Variants in SLC2A9 observed in about 807,000 individuals in gnomAD.
The protein encoded by SLC2A9 is solute carrier family 2, facilitated glucose transporter member 9.
Under a neutral mutation model 50.6 loss-of-function variants are expected in SLC2A9, and 39 were observed. The observed-to-expected ratio is 0.77, with a 90% confidence interval of 0.60 to 1.01. The LOEUF is 1.01. SLC2A9 is among the 50% of genes least tolerant of loss of function. The probability of loss-of-function intolerance (pLI) is 0.00; values close to 1 mark genes in which losing one functional copy is unlikely to be tolerated. For missense variants in SLC2A9, 686 were observed against 677.6 expected, an observed-to-expected ratio of 1.01 and a Z score of -0.14; for synonymous variants, 324 against 276.9, an observed-to-expected ratio of 1.17 and a Z score of -1.69.
chr4:9,941,895 A>C lies in SLC2A9; in HGVS notation c.814+18T>G. 1 of 1,613,846 alleles carries C rather than the reference A, an allele frequency of 6.2e-7. No homozygotes were observed. The highest frequency in any genetic ancestry group is 8.5e-7 in the Non-Finnish European group (1 of 1,179,868). On this transcript the variant is annotated intron_variant, in intron 6 of 11. Transcript: ENST00000264784. ...TATGCAGGGGCTGGAGCTGTGCAGG[A>C]AAGGGAAGGGCCCTCACCTTTCACA...
rs145713786 is a variant in SLC2A9, at chr4:9,810,551, C to A, written n.421-11310G>T. ...AAATGAATCACACCTACTAGTCTCA[C>A]GAGAGACTGATATATGAGCCAGGCA... On this transcript the variant is annotated intron_variant and non_coding_transcript_variant, in intron 3 of 3. Transcript: ENST00000503280. Among the ~76,000 whole-genome samples, 8 of 152,248 alleles carry A rather than the reference C, an allele frequency of 5.3e-5. No homozygotes were observed. The East Asian group carries it at 9.7e-4, about 18-fold the overall frequency.
intron 10 of SLC2A9, chr4:9,879,761 T>C: frequency 1.0e-6 from 1 of 985,436 alleles, no homozygotes; most frequent in Non-Finnish European, 1.2e-6. Flanking sequence ...CTTCATGTGA[T>C]TTTTAAAACT....
intron 7 of SLC2A9, among the ~76,000 whole-genome samples, chr4:9,919,799 T>A (rs1315434284): frequency 6.6e-6 from 1 of 152,206 alleles, no homozygotes; most frequent in African/African-American, 2.4e-5. Context: ...ACAGTAAAGA[T>A]CCAGACTCTG....
At chr4:9,773,671 G>A (rs1368261603) in intron 1 of SLC2A9, among the ~76,000 whole-genome samples, 1 of 152,224 alleles carries the variant, frequency 6.6e-6, no homozygotes, top group Non-Finnish European at 1.5e-5. Context: ...ATGAAATGAG[G>A]CAGGAGTTTA....
At chr4:9,970,845 C>T (rs1753792036) in intron 5 of SLC2A9, among the ~76,000 whole-genome samples, 1 of 152,196 alleles carries the variant, frequency 6.6e-6, no homozygotes, top group Middle Eastern at 3.2e-3. Flanking sequence ...CTGGGCCTGC[C>T]TGGCCTAAAC....
rs534399628 is a variant in SLC2A9, at chr4:10,037,285, C to G, written c.-41+2845G>C. On this transcript the variant is annotated intron_variant, in intron 1 of 12. Coordinates refer to the SLC2A9 transcript ENST00000309065. ...AACTGTGTTCTGCCTCTCTAGATTA[C>G]GGACTTGCCTTTTCGGAACATTTCA... 3.3e-5 allele frequency among the ~76,000 whole-genome samples: 5 copies of G among 152,294 alleles called. No homozygotes were observed. In the South Asian group the frequency reaches 1.0e-3, roughly 32 times the overall value.
intron 10 of SLC2A9, among the ~76,000 whole-genome samples, chr4:9,876,936 TAAAC>T: frequency 6.6e-6 from 1 of 152,384 alleles, no homozygotes; most frequent in South Asian, 2.1e-4. Flanking sequence ...TAATTTTCAT[TAAAC>T]AGTTTTTCAA....
At chr4:9,848,088 T>A (rs1729261800) in intron 10 of SLC2A9, among the ~76,000 whole-genome samples, 1 of 152,154 alleles carries the variant, frequency 6.6e-6, no homozygotes, top group Non-Finnish European at 1.5e-5. Flanking sequence ...ACTTCCAAAC[T>A]AGCCTGATTG....
chr4:9,828,450 G>T (rs1398433173), intron 11 of SLC2A9, among the ~76,000 whole-genome samples: 1 of 152,164 alleles, frequency 6.6e-6, no homozygotes, highest in Non-Finnish European at 1.5e-5. Flanking sequence ...AACCCACCAT[G>T]ACTTCCTAAG....
At chr4:9,789,247 T>C (rs1474280362) in intron 3 of SLC2A9, among the ~76,000 whole-genome samples, 2 of 152,184 alleles carry the variant, frequency 1.3e-5, no homozygotes, top group Non-Finnish European at 2.9e-5. Flanking sequence ...TTAAAAAATA[T>C]TAAAAAGGGA....
At chr4:10,013,900 A>G (rs1762184558) in intron 2 of SLC2A9, among the ~76,000 whole-genome samples, 1 of 152,112 alleles carries the variant, frequency 6.6e-6, no homozygotes, top group Non-Finnish European at 1.5e-5. Flanking sequence ...TAAAGGCAGC[A>G]CACCTTCCCA....
intron 10 of SLC2A9, among the ~76,000 whole-genome samples, chr4:9,870,538 C>T (rs1221060572): frequency 6.6e-6 from 1 of 152,216 alleles, no homozygotes; most frequent in Non-Finnish European, 1.5e-5. Flanking sequence ...TTTGCTTGGA[C>T]TGCTTCTGAG....
chr4:9,991,319 G>C (rs1757677535), intron 3 of SLC2A9, among the ~76,000 whole-genome samples: 2 of 152,224 alleles, frequency 1.3e-5, no homozygotes, highest in Admixed American at 6.5e-5. Flanking sequence ...ATTCCAGCCT[G>C]AAAGAAGAGG....
At chr4:10,006,472 C>G (rs953628112) in intron 2 of SLC2A9, 2 of 152,218 alleles carry the variant, frequency 1.3e-5, no homozygotes, top group Non-Finnish European at 2.9e-5. Context: ...GTCTGCACCA[C>G]TGAACACACT....
intron 8 of SLC2A9, among the ~76,000 whole-genome samples, chr4:9,897,088 T>A (rs953972282): frequency 6.6e-6 from 1 of 152,220 alleles, no homozygotes; most frequent in African/African-American, 2.4e-5. Flanking sequence ...CAGAGAGGTT[T>A]AGCAACCTGG....
chr4:9,807,156 C>T lies in SLC2A9; in HGVS notation n.421-7915G>A, dbSNP rs572894455. On this transcript the variant is annotated intron_variant and non_coding_transcript_variant, in intron 3 of 3. Coordinates refer to the SLC2A9 transcript ENST00000503280. ...TGACTATGGAAAAGAGGGGCTGACA[C>T]TTCCACAAGGGATCAACTTCAGGTG... 8.5e-5 allele frequency among the ~76,000 whole-genome samples: 13 copies of T among 152,318 alleles called. No individual in the cohort carries two copies. The South Asian group carries it at 2.5e-3, about 29-fold the overall frequency.
rs562230982 is a variant in SLC2A9 at position 9,999,052 on chromosome 4, G to T, written c.250-2111C>A. ...CGGGGGATGACAGAAGAAATAACTGGGGAGGGACACTTGGTAGGTCCTTCT... is the reference window on the plus strand; with the variant it reads ...CGGGGGATGACAGAAGAAATAACTGTGGAGGGACACTTGGTAGGTCCTTCT... On this transcript the variant is annotated intron_variant, in intron 2 of 11. Transcript: ENST00000264784. 4.7e-5 allele frequency among the ~76,000 whole-genome samples: 7 copies of T among 148,564 alleles called. No individual in the cohort carries two copies. The South Asian group carries it at 1.5e-3, about 33-fold the overall frequency.
chr4:9,935,033 A>G (rs1433104190), intron 6 of SLC2A9, among the ~76,000 whole-genome samples: 3 of 152,234 alleles, frequency 2.0e-5, no homozygotes, highest in Non-Finnish European at 4.4e-5. Context: ...TATATGCACC[A>G]TATTTTCTTC....
At chr4:9,891,706 A>G (rs1170055118) in intron 8 of SLC2A9, among the ~76,000 whole-genome samples, 1 of 152,214 alleles carries the variant, frequency 6.6e-6, no homozygotes, top group African/African-American at 2.4e-5. Context: ...CCCAGAATGA[A>G]TCAGAATCCA....
Sources: allele counts gnomAD v4.1 joint callset (sites outside exome capture counted in the v4.1 genomes callset), GRCh38; gene constraint gnomAD v4.1.1; transcripts MANE v1.5; gene names NCBI Gene and HGNC (gene_info 2026-07-23, HGNC 2026-07-21).